Variants in DAB1 observed in about 807,000 individuals in gnomAD.
DAB1 encodes the protein DAB adaptor protein 1, also known as disabled homolog 1.
DAB1 carries 15 observed loss-of-function variants against 64.6 expected under a neutral mutation model. That is an observed-to-expected ratio of 0.23 (90% CI 0.16 to 0.36). DAB1 has a LOEUF of 0.36. Among genes scored for constraint, DAB1 ranks in the 10% least tolerant of loss-of-function variants. The pLI is 1.00. For missense variants in DAB1, 596 were observed against 706.7 expected (o/e 0.84, Z 1.78); for synonymous variants, 235 against 251.9 (o/e 0.93, Z 0.64).
chr1:57,379,522 T>A (rs11581250), intron 1 of DAB1, among the ~76,000 whole-genome samples: 47,618 of 151,942 alleles, frequency 0.31, 7,956 homozygotes, highest in African/African-American at 0.4. Flanking sequence ...GTAAACTGGG[T>A]AAATTTTCCC....
intron 4 of DAB1, among the ~76,000 whole-genome samples, chr1:58,182,044 T>C (rs1446561931): frequency 6.6e-6 from 1 of 152,042 alleles, no homozygotes; most frequent in African/African-American, 2.4e-5. Context: ...AGAATAGTTT[T>C]GCTGGAAATA....
chr1:58,095,353 A>G (rs1368793338), intron 5 of DAB1, among the ~76,000 whole-genome samples: 1 of 152,186 alleles, frequency 6.6e-6, no homozygotes, highest in Non-Finnish European at 1.5e-5. Flanking sequence ...GCTCACAACC[A>G]CCACAAGGGA....
intron 4 of DAB1, among the ~76,000 whole-genome samples, chr1:58,172,345 G>C (rs934195124): frequency 6.6e-6 from 1 of 152,166 alleles, no homozygotes; most frequent in Non-Finnish European, 1.5e-5. Context: ...TACTGTTTAC[G>C]GGTAGTTGTG....
intron 5 of DAB1, among the ~76,000 whole-genome samples, chr1:57,946,838 A>G (rs1017036169): frequency 1.3e-5 from 2 of 152,178 alleles, no homozygotes; most frequent in African/African-American, 4.8e-5. Flanking sequence ...CAAGTTTCTC[A>G]GTTGGAATGT....
intron 5 of DAB1, among the ~76,000 whole-genome samples, chr1:57,910,649 C>T (rs1644629164): frequency 6.6e-6 from 1 of 152,328 alleles, no homozygotes. Flanking sequence ...CTGTCATTTC[C>T]ACTGGACTTC....
intron 7 of DAB1, among the ~76,000 whole-genome samples, chr1:57,561,862 C>T (rs1307272951): frequency 6.6e-6 from 1 of 152,320 alleles, no homozygotes; most frequent in African/African-American, 2.4e-5. Flanking sequence ...CAGGCAGCTA[C>T]CTGGTAGCAG....
chr1:57,258,996 C>A (rs1038143755), intron 2 of DAB1, among the ~76,000 whole-genome samples: 3 of 152,074 alleles, frequency 2.0e-5, no homozygotes, highest in Non-Finnish European at 4.4e-5. Flanking sequence ...TACTTTCATG[C>A]CTGCTTGGTA....
chr1:57,432,677 G>A (rs1056993543), intron 7 of DAB1, among the ~76,000 whole-genome samples: 1 of 152,142 alleles, frequency 6.6e-6, no homozygotes, highest in African/African-American at 2.4e-5. Flanking sequence ...TTGTTCCCCA[G>A]ATTTTTCTGT....
At chr1:58,356,282 A>T (rs1005878049) in intron 3 of DAB1, among the ~76,000 whole-genome samples, 1 of 152,208 alleles carries the variant, frequency 6.6e-6, no homozygotes, top group Non-Finnish European at 1.5e-5. Flanking sequence ...CCTGTATATT[A>T]TCTAAAATCA....
At chr1:57,683,825 C>T (rs917692685) in intron 6 of DAB1, among the ~76,000 whole-genome samples, 11 of 152,164 alleles carry the variant, frequency 7.2e-5, no homozygotes, top group Non-Finnish European at 1.6e-4. Context: ...GACAAGGAAG[C>T]TCAATGAGAT....
At chr1:57,440,986 AC>A (rs1308451999) in intron 7 of DAB1, among the ~76,000 whole-genome samples, 1 of 152,022 alleles carries the variant, frequency 6.6e-6, no homozygotes, top group Admixed American at 6.6e-5. Flanking sequence ...TGAGCATAGG[AC>A]CCAATAAGTG....
chr1:58,107,622 T>G (rs1570360990), intron 5 of DAB1, among the ~76,000 whole-genome samples: 1 of 151,988 alleles, frequency 6.6e-6, no homozygotes, highest in African/African-American at 2.4e-5. Context: ...TTTTTGTTTT[T>G]GTTTTGTTTT....
chr1:58,146,615 G>T (rs1031693974), intron 5 of DAB1, among the ~76,000 whole-genome samples: 1 of 151,988 alleles, frequency 6.6e-6, no homozygotes. Context: ...GTCTGTCTCT[G>T]CCTGGCTCTA....
intron 4 of DAB1, among the ~76,000 whole-genome samples, chr1:58,282,674 C>G (rs1023890064): frequency 6.6e-6 from 1 of 151,238 alleles, no homozygotes; most frequent in Non-Finnish European, 1.5e-5. Context: ...ATGAGCAGAG[C>G]TGAGGCTCTG....
At chr1:57,546,185 G>A (rs1309271962) in intron 7 of DAB1, among the ~76,000 whole-genome samples, 1 of 151,978 alleles carries the variant, frequency 6.6e-6, no homozygotes, top group Non-Finnish European at 1.5e-5. Flanking sequence ...CAGAAGTAGA[G>A]ACACAGATGA....
chr1:57,122,640 C>T (rs1656764023), intron 4 of DAB1, among the ~76,000 whole-genome samples: 1 of 152,044 alleles, frequency 6.6e-6, no homozygotes, highest in African/African-American at 2.4e-5. Context: ...TAGAGCTATC[C>T]TGAAAGAGGC....
At chr1:58,376,069 C>T (rs111823679) in intron 3 of DAB1, among the ~76,000 whole-genome samples, 4,867 of 152,070 alleles carry the variant, frequency 0.032, 250 homozygotes, top group African/African-American at 0.11. Context: ...TGATTCTTCT[C>T]TCTTTTTTTC....
chr1:58,400,428 C>G (rs542004977), intron 3 of DAB1, among the ~76,000 whole-genome samples: 1 of 152,118 alleles, frequency 6.6e-6, no homozygotes, highest in South Asian at 2.1e-4. Flanking sequence ...TGGAGGGCAG[C>G]AGCCATCTAA....
chr1:57,441,753 A>C (rs908320723), intron 7 of DAB1, among the ~76,000 whole-genome samples: 2 of 152,198 alleles, frequency 1.3e-5, no homozygotes, highest in African/African-American at 4.8e-5. Flanking sequence ...TGAGCATATG[A>C]GTGCAGGTGT....
Sources: gnomAD v4.1 joint callset for allele counts (sites outside exome capture counted in the v4.1 genomes callset) on GRCh38, gnomAD v4.1.1 for gene constraint, MANE v1.5 for transcripts, NCBI Gene and HGNC (gene_info 2026-07-23, HGNC 2026-07-21) for gene names.